The following MTMR12 variants were observed in gnomAD, a reference collection of about 807,000 sequenced individuals.
MTMR12 encodes the protein myotubularin related protein 12, also known as myotubularin-related protein 12.
Under a neutral mutation model 96.7 loss-of-function variants are expected in MTMR12, and 33 were observed. The observed-to-expected ratio is 0.34, with a 90% CI of 0.26 to 0.46. The LOEUF is 0.46. MTMR12 is among the 20% of genes least tolerant of loss of function. The pLI, the probability that MTMR12 is intolerant of heterozygous loss-of-function variation, is 1.00. For synonymous variants in MTMR12, 298 were observed against 327.2 expected, an observed-to-expected ratio of 0.91 and a Z score of 0.96; for missense variants, 721 against 896.1, an observed-to-expected ratio of 0.80 and a Z score of 2.49.
At position 32,255,768 on chromosome 5, in the gene MTMR12, T is replaced by C. The variant is rs1749111427; in HGVS notation, c.714A>G (p.Arg238=). 6.8e-6 allele frequency: 11 copies of C among 1,609,492 alleles called. No homozygotes were observed. Among genetic ancestry groups the C allele is most frequent in the Non-Finnish European group, 7.6e-6 (9 of 1,178,054 alleles). Residue 238 remains arginine, a splice_region_variant and synonymous_variant, in exon 8 of 16, where the codon AGA becomes AGG. Transcript: ENST00000382142. ...SVNEGYKVCE[R]LPAYFVVPTP... is the part of the protein sequence containing the mutation. Reference sequence around the variant, plus strand: ...TGGGGACAACAAAGTATGCTGGCAATCTAGAAGAAAGAAATGTCATCAAGT... The same window carrying C: ...TGGGGACAACAAAGTATGCTGGCAACCTAGAAGAAAGAAATGTCATCAAGT...
At chr5:32,235,330 G>C (rs1423412537) in intron 13 of MTMR12, among the ~76,000 whole-genome samples, 3 of 152,186 alleles carry the variant, frequency 2.0e-5, no homozygotes, top group African/African-American at 4.8e-5. Flanking sequence ...ATGCCTATCT[G>C]TGTCAAAGAC....
At position 32,282,715 on chromosome 5, in the gene MTMR12, A is replaced by G. The variant is rs180989609; in HGVS notation, c.82-5973T>C. The stretch of plus-strand genomic sequence containing the variant: ...GAATCATAAAGAAATCCTTGCCTCA[A>G]AAATAAGTTTAATTGGAGTTTTTCT... On this transcript the variant is annotated intron_variant, in intron 1 of 15. Coordinates refer to ENST00000382142, the MANE Select transcript of MTMR12 (RefSeq NM_001040446.3). Among the ~76,000 whole-genome samples the G allele has an allele frequency of 5.6e-3, 859 of 152,268 alleles. 5 individuals are homozygous for G. Among genetic ancestry groups the G allele is most frequent in the Non-Finnish European group, 9.8e-3 (664 of 68,018 alleles).
At chr5:32,250,986 T>C (rs1032218936) in intron 8 of MTMR12, among the ~76,000 whole-genome samples, 1 of 152,124 alleles carries the variant, frequency 6.6e-6, no homozygotes, top group African/African-American at 2.4e-5. Flanking sequence ...AGAATCACAG[T>C]TTGTTAATCT....
intron 1 of MTMR12, among the ~76,000 whole-genome samples, chr5:32,295,420 G>A (rs572027385): frequency 6.6e-6 from 1 of 152,202 alleles, no homozygotes; most frequent in African/African-American, 2.4e-5. Flanking sequence ...TCAGTATTCT[G>A]CTGTTTACGC....
chr5:32,246,170 G>GTTTTTTTTTTTTTTT lies in MTMR12; in HGVS notation c.1021+1831_1021+1832insAAAAAAAAAAAAAAA, dbSNP rs113738556. ...GGTTTCGGTGCCTATTGAGTAGACA[G>GTTTTTTTTTTTTTTT]TTTTTTTTTTTTTTGAGATGGAGTC... On this transcript the variant is annotated intron_variant, in intron 10 of 15. Transcript: ENST00000382142. Among the ~76,000 whole-genome samples the GTTTTTTTTTTTTTTT allele has an allele frequency of 1.4e-4, 12 of 82,770 alleles. 1 individual carries two copies. Among genetic ancestry groups the GTTTTTTTTTTTTTTT allele is most frequent in the Admixed American group, 2.4e-4 (2 of 8,262 alleles). 54.3% of individuals were successfully genotyped at this position (82,770 alleles called of 152,430 possible). A position where few individuals can be genotyped will look rare whatever the true frequency, so the allele number is the denominator to read the frequency against.
intron 1 of MTMR12, among the ~76,000 whole-genome samples, chr5:32,305,903 CAA>C (rs911245902): frequency 5.4e-5 from 6 of 111,676 alleles, no homozygotes; most frequent in Non-Finnish European, 1.9e-5. Flanking sequence ...AACTCCGTCT[CAA>C]AAAAAAAAAA....
chr5:32,282,293 G>A (rs553896543), intron 1 of MTMR12, among the ~76,000 whole-genome samples: 1 of 151,938 alleles, frequency 6.6e-6, no homozygotes, highest in African/African-American at 2.4e-5. Flanking sequence ...GTGGTGGCGG[G>A]TGCCTGTAGT....
chr5:32,258,902 C>CAA (rs5867141), intron 7 of MTMR12, among the ~76,000 whole-genome samples: 29 of 90,424 alleles, frequency 3.2e-4, no homozygotes, highest in East Asian at 6.2e-4. Context: ...TGGTCTTTCA[C>CAA]AAAAAAAAAA....
intron 13 of MTMR12, among the ~76,000 whole-genome samples, chr5:32,236,197 C>A (rs1268527413): frequency 6.6e-6 from 1 of 152,098 alleles, no homozygotes; most frequent in Non-Finnish European, 1.5e-5. Flanking sequence ...CTTCTTAGAC[C>A]TCAGACTCTT....
At position 32,268,803 on chromosome 5, in the gene MTMR12, G is replaced by T. The variant is rs897859979; in HGVS notation, c.490-9C>A. 13 of 1,599,214 alleles carry T rather than the reference G, an allele frequency of 8.1e-6. No individual in the cohort carries two copies. The highest frequency in any genetic ancestry group is 1.1e-5 in the Non-Finnish European group (13 of 1,166,652). ...ATTATGCCACTGACAATCTAAAAAA[G>T]AATCGAACAATGGATATAGTTATGG... On this transcript the variant is annotated splice_polypyrimidine_tract_variant and intron_variant, in intron 5 of 15. Transcript: ENST00000382142.
chr5:32,248,693 A>C (rs1748792509), intron 9 of MTMR12, 79 bp downstream of exon 9: 1 of 1,073,098 alleles, frequency 9.3e-7, no homozygotes, highest in Non-Finnish European at 1.4e-6. Flanking sequence ...AAACAGAAAT[A>C]GACATACTAC....
chr5:32,281,460 A>G (rs1388702160), intron 1 of MTMR12, among the ~76,000 whole-genome samples: 1 of 152,146 alleles, frequency 6.6e-6, no homozygotes, highest in Non-Finnish European at 1.5e-5. Flanking sequence ...AGCCAGGGTA[A>G]AGGAAATAGC....
At chr5:32,249,348 G>A (rs527441933) in intron 8 of MTMR12, among the ~76,000 whole-genome samples, 3 of 152,274 alleles carry the variant, frequency 2.0e-5, no homozygotes, top group African/African-American at 7.2e-5. Context: ...AAAAGTAGCT[G>A]CAGTGTGACT....
Position 32,263,176 on chromosome 5 carries a change from C to T in MTMR12, c.650G>A (p.Arg217Gln). ...TLKDWCWELERTKGNMKYKAV... is the reference protein window; with the variant it reads ...TLKDWCWELEQTKGNMKYKAV... ...TTTGTACTTCATGTTGCCTTTGGTC[C>T]GTTCCAGTTCCCAACACCAGTCCTT... The change falls in exon 7 of 16, where the codon CGG becomes CAG. Residue 217 changes from arginine (R) to glutamine (Q), a missense_variant. Arg to Gln is a conservative substitution (Grantham distance 43). Transcript: ENST00000382142. 4 of 1,614,158 alleles carry T rather than the reference C, an allele frequency of 2.5e-6. No homozygotes were observed. Among genetic ancestry groups the T allele is most frequent in the Non-Finnish European group, 3.4e-6 (4 of 1,180,036 alleles).
intron 8 of MTMR12, among the ~76,000 whole-genome samples, chr5:32,250,435 G>A (rs1247030715): frequency 6.6e-6 from 1 of 152,238 alleles, no homozygotes; most frequent in African/African-American, 2.4e-5. Flanking sequence ...TGAGGTGGAA[G>A]TGTTAGAACG....
intron 1 of MTMR12, among the ~76,000 whole-genome samples, chr5:32,297,348 A>G (rs1292942633): frequency 6.6e-6 from 1 of 152,134 alleles, no homozygotes; most frequent in East Asian, 1.9e-4. Flanking sequence ...CTCTAACCCT[A>G]GGCAACCACA....
Position 32,229,601 on chromosome 5 carries a change from A to G in MTMR12, c.*177T>C, listed in dbSNP as rs1747906263. On this transcript the variant is annotated 3_prime_UTR_variant, in exon 16 of 16. Coordinates refer to ENST00000382142, the MANE Select transcript of MTMR12 (RefSeq NM_001040446.3). Reference sequence around the variant, plus strand: ...ACTACAGATGCGGTTTTAATTGCATAGTCTTTTAGAATCATGAAAAATAAT... The same window carrying G: ...ACTACAGATGCGGTTTTAATTGCATGGTCTTTTAGAATCATGAAAAATAAT... 1 of 492,638 alleles carries G rather than the reference A, an allele frequency of 2.0e-6. No individual in the cohort carries two copies. The highest frequency in any genetic ancestry group is 6.7e-5 in the South Asian group (1 of 14,916). The allele number at this position is 492,638 out of a possible 1,614,324, so 30.5% of individuals were successfully genotyped here. A position where few individuals can be genotyped will look rare whatever the true frequency, so the allele number is the denominator to read the frequency against.
chr5:32,310,729 AC>A (rs141547688), intron 1 of MTMR12, among the ~76,000 whole-genome samples: 2,337 of 152,344 alleles, frequency 0.015, 30 homozygotes, highest in Non-Finnish European at 0.024. Context: ...TGATAGCACA[AC>A]AGGGTGACTA....
intron 8 of MTMR12, among the ~76,000 whole-genome samples, chr5:32,254,385 C>T (rs1177930512): frequency 6.6e-6 from 1 of 152,180 alleles, no homozygotes; most frequent in Non-Finnish European, 1.5e-5. Context: ...TACTGATGCT[C>T]ACTGTATTCT....
Sources: gnomAD v4.1 joint callset for allele counts (sites outside exome capture counted in the v4.1 genomes callset) on GRCh38, gnomAD v4.1.1 for gene constraint, MANE v1.5 for transcripts, NCBI Gene and HGNC (gene_info 2026-07-23, HGNC 2026-07-21) for gene names.